The following WDFY2 variants were observed in gnomAD, a reference collection of about 807,000 sequenced individuals.
WDFY2 encodes WD repeat and FYVE domain containing 2.
In WDFY2, 36 loss-of-function variants were observed where a neutral mutation model predicts 56.4. That is an observed-to-expected ratio of 0.64 (90% CI 0.49 to 0.84). WDFY2 has a LOEUF of 0.84. Among genes scored for constraint, WDFY2 ranks in the 40% least tolerant of loss-of-function variants. The probability of loss-of-function intolerance (pLI) is 0.00; values close to 1 mark genes in which losing one functional copy is unlikely to be tolerated. For missense variants in WDFY2, 444 were observed against 512.2 expected (o/e 0.87, Z 1.29); for synonymous variants, 176 against 183.7 (o/e 0.96, Z 0.34).
At chr13:51,702,991 G>A (rs138934047) in intron 3 of WDFY2, among the ~76,000 whole-genome samples, 5 of 152,148 alleles carry the variant, frequency 3.3e-5, no homozygotes, top group East Asian at 1.9e-4. Flanking sequence ...TATATAATGC[G>A]CGATACAGAA....
intron 7 of WDFY2, among the ~76,000 whole-genome samples, chr13:51,740,697 G>C (rs1194005377): frequency 6.8e-6 from 1 of 146,468 alleles, no homozygotes; most frequent in Admixed American, 7.0e-5. Flanking sequence ...CTGGGCAACA[G>C]AGCAAGACTC....
At chr13:51,668,031 A>G (rs940508536) in intron 2 of WDFY2, among the ~76,000 whole-genome samples, 3 of 151,650 alleles carry the variant, frequency 2.0e-5, no homozygotes, top group Non-Finnish European at 2.9e-5. Context: ...AGCTGGGACT[A>G]CAGGCGTCCG....
chr13:51,759,001 G>A (rs1198833243), intron 11 of WDFY2, among the ~76,000 whole-genome samples: 2 of 152,116 alleles, frequency 1.3e-5, no homozygotes, highest in Non-Finnish European at 2.9e-5. Context: ...GGCCACCATA[G>A]TGTGACCCTG....
chr13:51,721,091 AT>A (rs964613807), intron 5 of WDFY2, among the ~76,000 whole-genome samples: 12 of 152,194 alleles, frequency 7.9e-5, no homozygotes, highest in Non-Finnish European at 1.5e-5. Flanking sequence ...CACATTCAAC[AT>A]TTTGAATATA....
chr13:51,604,024 C>T (rs890145645), intron 1 of WDFY2, among the ~76,000 whole-genome samples: 2 of 152,112 alleles, frequency 1.3e-5, no homozygotes, highest in African/African-American at 4.8e-5. Flanking sequence ...GGAATGCGGA[C>T]CCAGTGTCTC....
chr13:51,767,106 A>G lies in WDFY2; in HGVS notation c.*7337A>G, dbSNP rs1566265974. 1.3e-5 allele frequency: 2 copies of G among 152,270 alleles called. No individual in the cohort carries two copies. The highest frequency in any genetic ancestry group is 2.4e-5 in the African/African-American group (1 of 41,468). The allele number at this position is 152,270 out of a possible 1,614,324, so 9.4% of individuals were successfully genotyped here. A position where few individuals can be genotyped will look rare whatever the true frequency, so the allele number is the denominator to read the frequency against. On this transcript the variant is annotated 3_prime_UTR_variant, in exon 12 of 12. Coordinates refer to ENST00000298125, the MANE Select transcript of WDFY2 (RefSeq NM_052950.4). ...CTTCGGGGCAAACACTGCCAGGGAAAGCCTCATTTAAAACTTGTGAGGTTC... is the reference window on the plus strand; with the variant it reads ...CTTCGGGGCAAACACTGCCAGGGAAGGCCTCATTTAAAACTTGTGAGGTTC...
At chr13:51,705,208 T>C (rs981383232) in intron 4 of WDFY2, among the ~76,000 whole-genome samples, 3 of 152,294 alleles carry the variant, frequency 2.0e-5, no homozygotes, top group Admixed American at 6.5e-5. Context: ...GCCAGTACTA[T>C]GTAAGAGAGT....
chr13:51,662,317 C>A lies in WDFY2; in HGVS notation c.205+1654C>A, dbSNP rs1955630356. On this transcript the variant is annotated intron_variant, in intron 2 of 11. Transcript: ENST00000298125. ...ACCAGTATTTTTTCTGGTCTTGCTT[C>A]TTCATCAAACCTGCCACAGTATCTA... Among the ~76,000 whole-genome samples the A allele has an allele frequency of 1.3e-5, 2 of 152,058 alleles. 1 individual carries two copies. Among genetic ancestry groups the A allele is most frequent in the South Asian group, 4.1e-4 (2 of 4,828 alleles).
intron 2 of WDFY2, among the ~76,000 whole-genome samples, chr13:51,674,452 C>CTTAG (rs1417549578): frequency 6.6e-6 from 1 of 152,152 alleles, no homozygotes; most frequent in Non-Finnish European, 1.5e-5. Context: ...ACTTAATTTG[C>CTTAG]TTAGGCTCGG....
intron 1 of WDFY2, among the ~76,000 whole-genome samples, chr13:51,626,354 T>C (rs1954835916): frequency 1.3e-5 from 2 of 152,314 alleles, no homozygotes; most frequent in South Asian, 4.1e-4. Flanking sequence ...TCCATTCCCT[T>C]CTCTGTAAAA....
chr13:51,671,275 T>C (rs1006197493), intron 2 of WDFY2, among the ~76,000 whole-genome samples: 11 of 152,212 alleles, frequency 7.2e-5, no homozygotes, highest in African/African-American at 2.7e-4. Context: ...CTTTTAGTTA[T>C]TTAAGGAATC....
At chr13:51,597,228 G>C (rs947887702) in intron 1 of WDFY2, among the ~76,000 whole-genome samples, 1 of 152,200 alleles carries the variant, frequency 6.6e-6, no homozygotes, top group Non-Finnish European at 1.5e-5. Flanking sequence ...ATTGATAAGT[G>C]AACAAACGGT....
intron 3 of WDFY2, among the ~76,000 whole-genome samples, chr13:51,696,516 C>T (rs188316753): frequency 2.0e-5 from 3 of 152,104 alleles, no homozygotes; most frequent in Middle Eastern, 3.4e-3. Context: ...TTGGAGAACC[C>T]CCAAACAGAC....
At chr13:51,717,695 A>T (rs1230540695) in intron 4 of WDFY2, among the ~76,000 whole-genome samples, 1 of 152,160 alleles carries the variant, frequency 6.6e-6, no homozygotes, top group Non-Finnish European at 1.5e-5. Context: ...ACATAAAAAG[A>T]TCTTCACGAG....
chr13:51,692,055 C>A (rs941994507), intron 3 of WDFY2, among the ~76,000 whole-genome samples: 279 of 152,268 alleles, frequency 1.8e-3, no homozygotes, highest in African/African-American at 6.3e-3. Context: ...TATCCTGAGA[C>A]TTTGCTGAAG....
intron 3 of WDFY2, among the ~76,000 whole-genome samples, chr13:51,695,099 G>A (rs1463033548): frequency 1.3e-5 from 2 of 152,102 alleles, no homozygotes; most frequent in East Asian, 3.9e-4. Flanking sequence ...TTTTTTCAAA[G>A]TTTTCAACTT....
chr13:51,700,514 A>G (rs761926380), intron 3 of WDFY2, among the ~76,000 whole-genome samples: 20 of 152,218 alleles, frequency 1.3e-4, no homozygotes, highest in East Asian at 3.8e-4. Flanking sequence ...GGCCATGTCT[A>G]TCAAAATTTC....
intron 2 of WDFY2, among the ~76,000 whole-genome samples, chr13:51,664,134 A>G (rs1955660667): frequency 6.6e-6 from 1 of 152,226 alleles, no homozygotes; most frequent in Admixed American, 6.5e-5. Context: ...CTTAAAAGGC[A>G]GAGTGTGATG....
In WDFY2 at chr13:51,666,030, A is replaced by G. The variant is rs537581070; in HGVS notation, c.205+5367A>G. 3.3e-5 allele frequency among the ~76,000 whole-genome samples: 5 copies of G among 152,286 alleles called. No individual in the cohort carries two copies. In the South Asian group the frequency reaches 1.0e-3, roughly 32 times the overall value. On this transcript the variant is annotated intron_variant, in intron 2 of 11. Transcript: ENST00000298125. The stretch of plus-strand genomic sequence containing the variant: ...AGTGTGGTTGGGCCGCTCAGTTTTC[A>G]CACAAGTATGGATACCTACCATCTG...
Sources: gnomAD v4.1 joint callset for allele counts (sites outside exome capture counted in the v4.1 genomes callset) on GRCh38, gnomAD v4.1.1 for gene constraint, MANE v1.5 for transcripts, NCBI Gene and HGNC (gene_info 2026-07-23, HGNC 2026-07-21) for gene names.